The following KCND2 variants were observed in gnomAD, a reference collection of about 807,000 sequenced individuals.
KCND2 encodes the protein potassium voltage-gated channel subfamily D member 2, also known as A-type voltage-gated potassium channel KCND2.
KCND2 carries 16 observed loss-of-function variants against 54.4 expected under a neutral mutation model. That is an observed-to-expected ratio of 0.29 (90% CI 0.20 to 0.45). The LOEUF (loss-of-function observed/expected upper bound fraction) is 0.45. KCND2 is among the 20% of genes least tolerant of loss of function. The pLI, the probability that KCND2 is intolerant of heterozygous loss-of-function variation, is 1.00. For missense variants in KCND2, 486 were observed against 824.2 expected (o/e 0.59, Z 5.02); for synonymous variants, 317 against 310.7 (o/e 1.02, Z -0.21).
chr7:120,680,680 A>G (rs1178627865), intron 1 of KCND2, among the ~76,000 whole-genome samples: 1 of 152,062 alleles, frequency 6.6e-6, no homozygotes, highest in Non-Finnish European at 1.5e-5. Context: ...CATTACAGTA[A>G]ATATTAACTT....
intron 1 of KCND2, among the ~76,000 whole-genome samples, chr7:120,579,640 AT>A (rs1369442895): frequency 3.5e-5 from 5 of 142,946 alleles, no homozygotes; most frequent in Non-Finnish European, 4.5e-5. Context: ...AAATAAATAA[AT>A]AAATAAAATA....
chr7:120,523,167 G>A (rs1426826663), intron 1 of KCND2, among the ~76,000 whole-genome samples: 1 of 152,114 alleles, frequency 6.6e-6, no homozygotes, highest in African/African-American at 2.4e-5. Flanking sequence ...TTCTGTGATT[G>A]TGTTGTTTCC....
chr7:120,451,912 A>T (rs1802116985), intron 1 of KCND2, among the ~76,000 whole-genome samples: 1 of 152,248 alleles, frequency 6.6e-6, no homozygotes, highest in Non-Finnish European at 1.5e-5. Flanking sequence ...CCGATTAATC[A>T]AGAGTCAACT....
rs563615363 is a variant in KCND2, at chr7:120,555,798, G to T, written c.1116-177105G>T. Among the ~76,000 whole-genome samples, 78 of 152,274 alleles carry T rather than the reference G, an allele frequency of 5.1e-4. No individual in the cohort carries two copies. In the Middle Eastern group the frequency reaches 0.02, roughly 40 times the overall value. On this transcript the variant is annotated intron_variant, in intron 1 of 5. Transcript: ENST00000331113. ...TCCCTGAATATGAACAGATCTGCCA[G>T]AAAATTTGCTGGCTATACTACAGCA...
intron 1 of KCND2, among the ~76,000 whole-genome samples, chr7:120,313,170 C>T (rs143271628): frequency 4.3e-4 from 65 of 152,272 alleles, no homozygotes; most frequent in African/African-American, 1.5e-3. Context: ...TTTTCTTTAT[C>T]TGGCTTGCCA....
chr7:120,618,818 A>C (rs1035354883), intron 1 of KCND2, among the ~76,000 whole-genome samples: 1 of 152,166 alleles, frequency 6.6e-6, no homozygotes, highest in African/African-American at 2.4e-5. Flanking sequence ...CAGTGTACTA[A>C]GAGATTTTTA....
chr7:120,694,620 G>A (rs1283344026), intron 1 of KCND2, among the ~76,000 whole-genome samples: 2 of 151,942 alleles, frequency 1.3e-5, no homozygotes, highest in Admixed American at 1.3e-4. Context: ...ATCTAAAAGG[G>A]GTTAGAAGGA....
intron 1 of KCND2, among the ~76,000 whole-genome samples, chr7:120,516,728 A>G (rs576086683): frequency 1.3e-5 from 2 of 152,292 alleles, no homozygotes; most frequent in East Asian, 3.9e-4. Flanking sequence ...AAAACGGGAA[A>G]TCTACTGTTG....
chr7:120,490,351 C>T (rs1243358369), intron 1 of KCND2, among the ~76,000 whole-genome samples: 4 of 152,126 alleles, frequency 2.6e-5, no homozygotes, highest in Non-Finnish European at 4.4e-5. Flanking sequence ...CATTTAAGCT[C>T]ATCACTGTTT....
chr7:120,466,397 G>A (rs1802369875), intron 1 of KCND2, among the ~76,000 whole-genome samples: 2 of 152,164 alleles, frequency 1.3e-5, no homozygotes, highest in African/African-American at 2.4e-5. Context: ...TTGGCAGCCA[G>A]TGATAGCATA....
chr7:120,537,160 A>T (rs1193340389), intron 1 of KCND2, among the ~76,000 whole-genome samples: 1 of 152,216 alleles, frequency 6.6e-6, no homozygotes, highest in Non-Finnish European at 1.5e-5. Context: ...GATACATGTT[A>T]CGTTAGCAGG....
chr7:120,577,439 A>G (rs955363295), intron 1 of KCND2, among the ~76,000 whole-genome samples: 10 of 152,248 alleles, frequency 6.6e-5, no homozygotes, highest in African/African-American at 2.2e-4. Context: ...CAATTCTATA[A>G]GGGACTTTCT....
At chr7:120,516,436 C>A (rs143324559) in intron 1 of KCND2, among the ~76,000 whole-genome samples, 1 of 152,036 alleles carries the variant, frequency 6.6e-6, no homozygotes, top group African/African-American at 2.4e-5. Context: ...TCCAGTCTTA[C>A]TTTTTTCTCC....
chr7:120,618,018 G>C (rs772395466), intron 1 of KCND2, among the ~76,000 whole-genome samples: 8 of 152,042 alleles, frequency 5.3e-5, no homozygotes, highest in Non-Finnish European at 7.4e-5. Context: ...CAAACAGTGA[G>C]AGTAGGAAGA....
intron 1 of KCND2, among the ~76,000 whole-genome samples, chr7:120,712,820 G>T (rs370456294): frequency 6.6e-6 from 1 of 152,228 alleles, no homozygotes; most frequent in South Asian, 2.1e-4. Flanking sequence ...AACCTATCCC[G>T]ATTTCCTTCT....
chr7:120,310,094 C>G (rs1179881430), intron 1 of KCND2, among the ~76,000 whole-genome samples: 1 of 152,096 alleles, frequency 6.6e-6, no homozygotes, highest in Non-Finnish European at 1.5e-5. Flanking sequence ...AGACATGTCC[C>G]TATGATAGCA....
intron 1 of KCND2, among the ~76,000 whole-genome samples, chr7:120,640,539 A>C (rs1221554530): frequency 2.6e-5 from 4 of 152,130 alleles, no homozygotes. Context: ...TTCTTCAAAA[A>C]TGTCTTAGAG....
chr7:120,527,676 C>G (rs542379069), intron 1 of KCND2, among the ~76,000 whole-genome samples: 22 of 151,600 alleles, frequency 1.5e-4, no homozygotes, highest in Non-Finnish European at 2.8e-4. Context: ...AATAACTATA[C>G]CTTTTTAATT....
chr7:120,341,229 A>T (rs1800235566), intron 1 of KCND2, among the ~76,000 whole-genome samples: 1 of 152,056 alleles, frequency 6.6e-6, no homozygotes. Context: ...AGAAAGGAAA[A>T]ACTGTGAAAT....
Sources: allele counts gnomAD v4.1 joint callset (sites outside exome capture counted in the v4.1 genomes callset), GRCh38; gene constraint gnomAD v4.1.1; transcripts MANE v1.5; gene names NCBI Gene and HGNC (gene_info 2026-07-23, HGNC 2026-07-21).